PTK2: variants seen among roughly 807,000 people sequenced by gnomAD.
PTK2 encodes the protein protein tyrosine kinase 2.
A neutral mutation model predicts 150.1 loss-of-function variants in PTK2; 45 were observed. The ratio of observed to expected loss-of-function variants is 0.30; its 90% CI spans 0.24 to 0.38. PTK2 has a LOEUF of 0.38. PTK2 is among the 10% of genes least tolerant of loss of function. PTK2 has a pLI of 1.00. For synonymous variants in PTK2, 432 were observed against 449.2 expected, an observed-to-expected ratio of 0.96 and a Z score of 0.48; for missense variants, 919 against 1,307.3, an observed-to-expected ratio of 0.70 and a Z score of 4.58.
intron 1 of PTK2, among the ~76,000 whole-genome samples, chr8:140,952,543 T>C (rs7843337): frequency 0.42 from 63,508 of 152,060 alleles, 15,182 homozygotes; most frequent in Non-Finnish European, 0.55. Context: ...CAAAGAAAGA[T>C]GTGAACTGAC....
At chr8:140,869,669 G>A (rs2100141377) in intron 4 of PTK2, among the ~76,000 whole-genome samples, 1 of 151,908 alleles carries the variant, frequency 6.6e-6, no homozygotes, top group South Asian at 2.1e-4. Flanking sequence ...ATTGGGAATG[G>A]GCACACCTCT....
intron 5 of PTK2, among the ~76,000 whole-genome samples, chr8:140,847,231 C>T (rs189701003): frequency 1.1e-4 from 17 of 152,272 alleles, no homozygotes; most frequent in Admixed American, 4.6e-4. Flanking sequence ...AAAGGATTTA[C>T]GTACTTCAAA....
In PTK2 at chr8:140,788,379, T is replaced by TA. The variant is rs576514275; in HGVS notation, c.1177+1094dup. On this transcript the variant is annotated intron_variant, in intron 14 of 31. Transcript: ENST00000522684. ...GGCTTATGGGACATTTGTGCACCAT[T>TA]AAAAAAACAAACAAACAAGGAAGCC... is the stretch of plus-strand genomic sequence containing the variant. 4.5e-3 allele frequency among the ~76,000 whole-genome samples: 680 copies of TA among 152,080 alleles called. 3 individuals are homozygous for TA. Among genetic ancestry groups the TA allele is most frequent in the African/African-American group, 0.016 (643 of 41,472 alleles).
At chr8:140,728,393 T>C (rs1213277231) in intron 22 of PTK2, among the ~76,000 whole-genome samples, 1 of 152,236 alleles carries the variant, frequency 6.6e-6, no homozygotes, top group East Asian at 1.9e-4. Context: ...CTGGTAACTC[T>C]TCTGTACTCT....
intron 22 of PTK2, chr8:140,734,664 CA>C (rs781425365): frequency 6.1e-6 from 3 of 490,816 alleles, no homozygotes; most frequent in South Asian, 4.5e-5. Context: ...CCTGAACAAG[CA>C]ATGGATGTTT....
chr8:140,874,328 C>T (rs1368327342), intron 4 of PTK2, among the ~76,000 whole-genome samples: 1 of 152,184 alleles, frequency 6.6e-6, no homozygotes, highest in African/African-American at 2.4e-5. Context: ...CACAAAAGAA[C>T]AAGCTATGTC....
intron 22 of PTK2, among the ~76,000 whole-genome samples, chr8:140,723,204 C>T (rs2100043964): frequency 6.6e-6 from 1 of 152,218 alleles, no homozygotes; most frequent in Non-Finnish European, 1.5e-5. Flanking sequence ...AAACTCCCTA[C>T]AGTTGTCAGA....
intron 26 of PTK2, among the ~76,000 whole-genome samples, chr8:140,697,455 T>TG (rs1564589032): frequency 2.7e-5 from 4 of 149,812 alleles, no homozygotes; most frequent in African/African-American, 7.4e-5. Context: ...TGTGTGTGTG[T>TG]TTTTAAACGG....
intron 11 of PTK2, among the ~76,000 whole-genome samples, chr8:140,803,032 T>TTG (rs2100096140): frequency 6.9e-6 from 1 of 144,802 alleles, no homozygotes; most frequent in Admixed American, 6.9e-5. Flanking sequence ...TTTTTTTTTT[T>TTG]GAGACACGGT....
chr8:140,805,571 A>G (rs116899335), intron 10 of PTK2, among the ~76,000 whole-genome samples: 2,470 of 149,648 alleles, frequency 0.017, 25 homozygotes, highest in Non-Finnish European at 0.026. Context: ...AAAAGAAGAG[A>G]AAAAAAAGAT....
chr8:140,871,021 T>A (rs954573581), intron 4 of PTK2, among the ~76,000 whole-genome samples: 1 of 152,092 alleles, frequency 6.6e-6, no homozygotes, highest in East Asian at 1.9e-4. Context: ...ATACAACATA[T>A]ACAAAAGCTC....
intron 14 of PTK2, among the ~76,000 whole-genome samples, chr8:140,774,373 G>A (rs994648820): frequency 7.9e-5 from 12 of 152,326 alleles, no homozygotes; most frequent in African/African-American, 2.9e-4. Flanking sequence ...AAGAAAAGCA[G>A]TTTGAACACT....
chr8:140,962,282 AGGGAGGAAGG>A (rs1311160665), intron 1 of PTK2, among the ~76,000 whole-genome samples: 1 of 100,250 alleles, frequency 1.0e-5, no homozygotes, highest in Non-Finnish European at 1.9e-5. Context: ...GGAGGAAGGG[AGGGAGGAAGG>A]GAGGGAGGGA....
At chr8:140,867,585 T>A (rs935143700) in intron 4 of PTK2, among the ~76,000 whole-genome samples, 1 of 152,050 alleles carries the variant, frequency 6.6e-6, no homozygotes, top group East Asian at 1.9e-4. Context: ...CACATCCACA[T>A]AAAGCAGGAA....
intron 16 of PTK2, among the ~76,000 whole-genome samples, chr8:140,756,405 ATT>A (rs975878845): frequency 4.0e-5 from 6 of 151,732 alleles, no homozygotes; most frequent in African/African-American, 1.5e-4. Flanking sequence ...TTTAGTAAAC[ATT>A]AGATTATGGG....
intron 24 of PTK2, among the ~76,000 whole-genome samples, chr8:140,704,970 C>T (rs919437043): frequency 6.6e-6 from 1 of 152,158 alleles, no homozygotes; most frequent in African/African-American, 2.4e-5. Context: ...TCAAATGATT[C>T]ACTCTTGACT....
At chr8:140,802,675 A>AT (rs2100095813) in intron 11 of PTK2, among the ~76,000 whole-genome samples, 1 of 152,106 alleles carries the variant, frequency 6.6e-6, no homozygotes, top group African/African-American at 2.4e-5. Flanking sequence ...CAGGTGTAAC[A>AT]TTTTTTATCT....
chr8:140,752,211 C>A, intron 17 of PTK2, 21 bp downstream of exon 20: 1 of 1,589,338 alleles, frequency 6.3e-7, no homozygotes, highest in Non-Finnish European at 8.6e-7. Flanking sequence ...TGGAGTTCCA[C>A]AGAAATTTCT....
chr8:140,927,362 C>T (rs1469334877), intron 1 of PTK2: 1 of 152,108 alleles, frequency 6.6e-6, no homozygotes. Flanking sequence ...TAACAAATAG[C>T]AACAGTGTCA....
Sources: allele counts gnomAD v4.1 joint callset (sites outside exome capture counted in the v4.1 genomes callset), GRCh38; gene constraint gnomAD v4.1.1; transcripts MANE v1.5; gene names NCBI Gene and HGNC (gene_info 2026-07-23, HGNC 2026-07-21).